The following POLE2 variants were observed in gnomAD, a reference collection of about 807,000 sequenced individuals.
The protein encoded by POLE2 is DNA polymerase epsilon 2, accessory subunit.
Under a neutral mutation model 79.4 loss-of-function variants are expected in POLE2, and 56 were observed. The ratio of observed to expected loss-of-function variants is 0.71; its 90% CI spans 0.57 to 0.88. The LOEUF is 0.88. Ranked by LOEUF, POLE2 falls within the 40% of genes least tolerant of loss-of-function variation. The pLI, the probability that POLE2 is intolerant of heterozygous loss-of-function variation, is 0.00. For missense variants in POLE2, 598 were observed against 638.9 expected (o/e 0.94, Z 0.69); for synonymous variants, 212 against 214.0 (o/e 0.99, Z 0.08).
intron 3 of POLE2, chr14:49,677,457 G>T: frequency 2.1e-6 from 1 of 467,200 alleles, no homozygotes; most frequent in Non-Finnish European, 3.9e-6. Flanking sequence ...GGAGACGAGG[G>T]GCAGCCAGTT....
rs565569751 is a variant in POLE2 at position 49,677,789 on chromosome 14, A to G, written c.245+1936T>C. 34 of 797,490 alleles carry G rather than the reference A, an allele frequency of 4.3e-5. No individual in the cohort carries two copies. The Admixed American group carries it at 5.2e-4, about 12-fold the overall frequency. The allele number at this position is 797,490 out of a possible 1,614,324, so 49.4% of individuals were successfully genotyped here. On this transcript the variant is annotated intron_variant, in intron 3 of 18. Coordinates refer to ENST00000216367, the MANE Select transcript of POLE2 (RefSeq NM_002692.4). ...AGGAGTGTGGCAGCTCCTGGCCTCA[A>G]TGATGACTGTGGACCTGCAGCAGCA...
chr14:49,657,344 AAAG>A (rs1270766062), intron 10 of POLE2, among the ~76,000 whole-genome samples: 2 of 152,208 alleles, frequency 1.3e-5, no homozygotes, highest in Admixed American at 6.5e-5. Flanking sequence ...AATGCCAAAA[AAAG>A]GGAATAGATA....
intron 14 of POLE2, 24 bp downstream of exon 14, chr14:49,654,131 T>TG (rs777916249): frequency 9.4e-6 from 15 of 1,601,928 alleles, no homozygotes; most frequent in Non-Finnish European, 1.3e-5. Flanking sequence ...TCTACACTGT[T>TG]GCAAAAATCT....
intron 1 of POLE2, among the ~76,000 whole-genome samples, chr14:49,685,999 T>A (rs1004421854): frequency 1.3e-5 from 2 of 152,178 alleles, no homozygotes; most frequent in African/African-American, 4.8e-5. Flanking sequence ...TAGGGCAGTT[T>A]ATACACCTTA....
At chr14:49,680,200 C>T (rs1281581693) in intron 2 of POLE2, among the ~76,000 whole-genome samples, 1 of 151,954 alleles carries the variant, frequency 6.6e-6, no homozygotes, top group African/African-American at 2.4e-5. Context: ...AAATATAAAA[C>T]TTAGCTGGGG....
chr14:49,647,451 T>G, intron 17 of POLE2, 91 bp from the exon 18 acceptor site: 1 of 429,730 alleles, frequency 2.3e-6, no homozygotes, highest in African/African-American at 2.1e-5. Context: ...TTTTATTTTT[T>G]ATTTTATTTA....
chr14:49,661,456 T>C (rs1885094751), intron 10 of POLE2, among the ~76,000 whole-genome samples: 1 of 152,212 alleles, frequency 6.6e-6, no homozygotes, highest in African/African-American at 2.4e-5. Context: ...CAGTTAAGCA[T>C]ATACCCAAAC....
chr14:49,651,012 A>C (rs1393416740), intron 16 of POLE2, among the ~76,000 whole-genome samples: 2 of 152,236 alleles, frequency 1.3e-5, no homozygotes, highest in African/African-American at 4.8e-5. Flanking sequence ...AGAGTTTAAA[A>C]GGCAAAACAC....
chr14:49,680,353 CAAAA>C (rs34930369), intron 2 of POLE2, among the ~76,000 whole-genome samples: 1 of 140,078 alleles, frequency 7.1e-6, no homozygotes, highest in African/African-American at 2.6e-5. Flanking sequence ...GATACTATCT[CAAAA>C]AAAAAAAAAA....
At chr14:49,660,468 T>G (rs1594579066) in intron 10 of POLE2, among the ~76,000 whole-genome samples, 1 of 152,326 alleles carries the variant, frequency 6.6e-6, no homozygotes, top group East Asian at 1.9e-4. Context: ...TCTAATTTTT[T>G]TTTTTGCAAT....
chr14:49,683,737 A>C (rs773265977), intron 1 of POLE2, 44 bp from the exon 2 acceptor site: 6 of 975,022 alleles, frequency 6.2e-6, no homozygotes, highest in Non-Finnish European at 9.5e-6. Context: ...TTAGTAATTA[A>C]AGGCTAAAAG....
chr14:49,647,091 A>G, intron 18 of POLE2: 1 of 399,988 alleles, frequency 2.5e-6, no homozygotes, highest in Non-Finnish European at 4.5e-6. Flanking sequence ...ACAGTTCTTG[A>G]TCTATTTCAA....
chr14:49,662,388 C>G (rs1250763629), intron 10 of POLE2, among the ~76,000 whole-genome samples: 2 of 152,196 alleles, frequency 1.3e-5, no homozygotes, highest in African/African-American at 2.4e-5. Flanking sequence ...ACCTCTGCCT[C>G]CTGGTAAAAC....
chr14:49,685,094 C>T (rs1028583780), intron 1 of POLE2, among the ~76,000 whole-genome samples: 7 of 152,156 alleles, frequency 4.6e-5, no homozygotes, highest in Non-Finnish European at 7.3e-5. Context: ...ATTTGTAGCA[C>T]ACTTTATACC....
At position 49,683,648 on chromosome 14, in the gene POLE2, T is replaced by C. The variant is rs767251875; in HGVS notation, c.114A>G (p.Glu38=). 1.3e-6 allele frequency: 2 copies of C among 1,596,694 alleles called. No individual in the cohort carries two copies. Among genetic ancestry groups the C allele is most frequent in the East Asian group, 2.2e-5 (1 of 44,750 alleles). ...YLTEALQSIS[E]LELEDKLEKI... The stretch of plus-strand genomic sequence containing the variant: ...TTTCCAGTTTATCTTCAAGCTCTAA[T>C]TCACTGATAGACTGAAGAGCTTCTG... Residue 38 remains glutamate (E), a synonymous_variant, in exon 2 of 19, where the codon GAA becomes GAG. Transcript: ENST00000216367.
chr14:49,683,570 A>G, intron 2 of POLE2, 23 bp downstream of exon 2: 1 of 1,027,218 alleles, frequency 9.7e-7, no homozygotes, highest in Non-Finnish European at 1.5e-6. Flanking sequence ...ACAATTTAGG[A>G]GTTATCAGAA....
Position 49,654,847 on chromosome 14 carries a change from T to G in POLE2, c.1019-9A>C, listed in dbSNP as rs752232701. ...CAAAGTTTTTAGGGAATCTAAAATT[T>G]TAAAAAGGTATTGAATTAAATTTGC... On this transcript the variant is annotated splice_polypyrimidine_tract_variant and intron_variant, in intron 12 of 18. Coordinates refer to ENST00000216367, the MANE Select transcript of POLE2 (RefSeq NM_002692.4). The G allele has an allele frequency of 3.4e-6, 5 of 1,489,774 alleles. No homozygotes were observed. Among genetic ancestry groups the G allele is most frequent in the African/African-American group, 1.5e-5 (1 of 68,840 alleles). 92.3% of individuals were successfully genotyped at this position (1,489,774 alleles called of 1,614,324 possible). A position where few individuals can be genotyped will look rare whatever the true frequency, so the allele number is the denominator to read the frequency against.
intron 10 of POLE2, among the ~76,000 whole-genome samples, chr14:49,658,344 G>C (rs1003874679): frequency 1.3e-5 from 2 of 152,088 alleles, no homozygotes; most frequent in Non-Finnish European, 2.9e-5. Flanking sequence ...CCAAAGTACT[G>C]GGATTACAGG....
At chr14:49,677,427 A>G (rs545663100) in intron 3 of POLE2, 1 of 472,968 alleles carries the variant, frequency 2.1e-6, no homozygotes, top group East Asian at 4.0e-5. Context: ...AGGGACCTGA[A>G]GCCCACCACT....
Sources: gnomAD v4.1 joint callset for allele counts (sites outside exome capture counted in the v4.1 genomes callset) on GRCh38, gnomAD v4.1.1 for gene constraint, MANE v1.5 for transcripts, NCBI Gene and HGNC (gene_info 2026-07-23, HGNC 2026-07-21) for gene names.